Variants in STK32C observed in about 807,000 individuals in gnomAD.
STK32C encodes serine/threonine-protein kinase 32C.
A neutral mutation model predicts 56.5 loss-of-function variants in STK32C; 31 were observed. The ratio of observed to expected loss-of-function variants is 0.55; its 90% CI spans 0.41 to 0.74. The LOEUF (loss-of-function observed/expected upper bound fraction) is 0.74. STK32C is among the 30% of genes least tolerant of loss of function. STK32C has a pLI of 0.00. For missense variants in STK32C, 544 were observed against 676.9 expected (o/e 0.80, Z 2.18); for synonymous variants, 309 against 289.4 (o/e 1.07, Z -0.69).
At chr10:132,224,196 G>A (rs1232202726) in intron 8 of STK32C, among the ~76,000 whole-genome samples, 5 of 152,282 alleles carry the variant, frequency 3.3e-5, no homozygotes, top group East Asian at 3.9e-4. Flanking sequence ...GGTAGGGCTC[G>A]CCATGAGAGG....
At chr10:132,317,847 G>A (rs192503576) in intron 1 of STK32C, among the ~76,000 whole-genome samples, 1 of 151,846 alleles carries the variant, frequency 6.6e-6, no homozygotes, top group East Asian at 1.9e-4. Context: ...GCATGGTGGT[G>A]TGTGCCTGTA....
In STK32C at chr10:132,307,552, G is replaced by A. The variant is rs1218795803; in HGVS notation, c.262+20C>T. On this transcript the variant is annotated intron_variant, in intron 1 of 11. Coordinates refer to ENST00000298630, the MANE Select transcript of STK32C (RefSeq NM_173575.4). The surrounding 1 kb of genome is among the most constrained non-coding windows in gnomAD (Gnocchi z 4.4). ...TGCAATAGCGCGCGGCCCCCACGTC[G>A]TCCCCGTGCCCGCACTCACCGTCCT... 2 of 1,539,598 alleles carry A rather than the reference G, an allele frequency of 1.3e-6. No individual in the cohort carries two copies.
intron 1 of STK32C, among the ~76,000 whole-genome samples, chr10:132,262,155 C>A (rs1351384584): frequency 6.6e-6 from 1 of 152,142 alleles, no homozygotes; most frequent in Non-Finnish European, 1.5e-5. Context: ...CTACAACCAT[C>A]TGATCTTCGA....
chr10:132,208,029 G>A lies in STK32C; in HGVS notation c.1442C>T (p.Pro481Leu), dbSNP rs980491396. ...SALPMCGPIC[P>L]SAGSG ...CCCGGCCTAGCCGCTCCCGGCCGAGGGGCAAATGGGGCCGCACATGGGCAG... is the reference window on the plus strand; with the variant it reads ...CCCGGCCTAGCCGCTCCCGGCCGAGAGGCAAATGGGGCCGCACATGGGCAG... Residue 481 changes from proline (P) to leucine (L), a missense_variant, in exon 12 of 12, where the codon CCC becomes CTC. Physicochemically the swap from Pro to Leu is moderately conservative, Grantham distance 98. This residue lies in a region of STK32C where 277 missense variants were observed against 309.3 expected (regional missense o/e 0.90). Coordinates refer to ENST00000298630, the MANE Select transcript of STK32C (RefSeq NM_173575.4). The A allele has an allele frequency of 1.5e-6, 2 of 1,310,340 alleles. No homozygotes were observed. Among genetic ancestry groups the A allele is most frequent in the Non-Finnish European group, 2.0e-6 (2 of 1,022,196 alleles). 81.2% of individuals were successfully genotyped at this position (1,310,340 alleles called of 1,614,324 possible).
intron 1 of STK32C, among the ~76,000 whole-genome samples, chr10:132,253,203 A>G (rs2063968873): frequency 6.6e-6 from 1 of 152,250 alleles, no homozygotes; most frequent in Non-Finnish European, 1.5e-5. Context: ...TCCGGAAAGC[A>G]GCACTCCAAC....
intron 1 of STK32C, among the ~76,000 whole-genome samples, chr10:132,298,534 T>G (rs980107937): frequency 6.7e-6 from 1 of 149,212 alleles, no homozygotes; most frequent in Non-Finnish European, 1.5e-5. Flanking sequence ...TAACAGGACA[T>G]GCTGGGAGGA....
At chr10:132,286,888 C>T (rs2065420247) in intron 1 of STK32C, among the ~76,000 whole-genome samples, 1 of 152,100 alleles carries the variant, frequency 6.6e-6, no homozygotes, top group Non-Finnish European at 1.5e-5. Context: ...GCTGGAGATC[C>T]CAGAGAGTGC....
At chr10:132,257,150 A>AG (rs1377051706) in intron 1 of STK32C, among the ~76,000 whole-genome samples, 2 of 152,212 alleles carry the variant, frequency 1.3e-5, no homozygotes, top group East Asian at 3.9e-4. Context: ...CTGGGTCCTC[A>AG]GGGGGGTGAG....
At chr10:132,246,847 C>T (rs1205076671) in intron 1 of STK32C, among the ~76,000 whole-genome samples, 2 of 152,184 alleles carry the variant, frequency 1.3e-5, no homozygotes, top group Non-Finnish European at 2.9e-5. Flanking sequence ...GCTGCCTCCA[C>T]TTGTGTCCCC....
chr10:132,230,328 C>A (rs997288183), intron 2 of STK32C, among the ~76,000 whole-genome samples: 1 of 152,244 alleles, frequency 6.6e-6, no homozygotes, highest in South Asian at 2.1e-4. Flanking sequence ...GGCAGAGTCG[C>A]GTGGCTCGGC....
intron 3 of STK32C, 140 bp downstream of exon 3, chr10:132,227,837 G>C (rs2062947371): frequency 9.2e-7 from 1 of 1,086,220 alleles, no homozygotes; most frequent in Non-Finnish European, 1.3e-6. Flanking sequence ...TAGATGAGGA[G>C]GGCTAGAGAG....
At chr10:132,315,116 A>G (rs150380713) in intron 1 of STK32C, among the ~76,000 whole-genome samples, 260 of 152,346 alleles carry the variant, frequency 1.7e-3, no homozygotes, top group Non-Finnish European at 3.2e-3. Flanking sequence ...CCTGGGCAAC[A>G]AGAGCGAAAT....
At chr10:132,235,820 G>A (rs186051860) in intron 2 of STK32C, among the ~76,000 whole-genome samples, 13 of 152,308 alleles carry the variant, frequency 8.5e-5, no homozygotes, top group East Asian at 7.7e-4. Context: ...CAAGCCTGGC[G>A]CAGTGTGATG....
intron 1 of STK32C, among the ~76,000 whole-genome samples, chr10:132,258,090 G>A (rs1470736034): frequency 6.6e-6 from 1 of 152,218 alleles, no homozygotes; most frequent in Non-Finnish European, 1.5e-5. Flanking sequence ...AATGCCGGCT[G>A]AGTGGCCCCC....
chr10:132,208,330 G>A (rs1261544645), intron 11 of STK32C, among the ~76,000 whole-genome samples, 179 bp from the exon 12 acceptor site: 1 of 152,256 alleles, frequency 6.6e-6, no homozygotes, highest in African/African-American at 2.4e-5. Context: ...GCCTGGGGAC[G>A]GGTGGGGGCA....
intron 1 of STK32C, among the ~76,000 whole-genome samples, chr10:132,306,202 C>A (rs999852774): frequency 2.6e-5 from 4 of 152,234 alleles, no homozygotes; most frequent in African/African-American, 9.6e-5. Context: ...AGAAGAGCAG[C>A]CAGCTCTTGG....
At chr10:132,221,267 C>G (rs56981806) in intron 10 of STK32C, among the ~76,000 whole-genome samples, 1,689 of 151,300 alleles carry the variant, frequency 0.011, 45 homozygotes, top group African/African-American at 0.038. Context: ...CATCCCCACA[C>G]ACACAACTGA....
At position 132,243,393 on chromosome 10, in the gene STK32C, G is replaced by C. The variant is rs550471490; in HGVS notation, c.318+2507C>G. Among the ~76,000 whole-genome samples the C allele has an allele frequency of 1.5e-3, 223 of 152,298 alleles. 2 individuals carry two copies. Among genetic ancestry groups the C allele is most frequent in the African/African-American group, 5.1e-3 (214 of 41,578 alleles). The stretch of plus-strand genomic sequence containing the variant: ...TGAGCAGCCTGGGGGCGAGGCGGGG[G>C]TGGAGAGTGGGCTGGACGGAAGTCT... On this transcript the variant is annotated intron_variant, in intron 2 of 11. Coordinates refer to ENST00000298630, the MANE Select transcript of STK32C (RefSeq NM_173575.4).
chr10:132,240,115 G>A (rs1489718897), intron 2 of STK32C, among the ~76,000 whole-genome samples: 1 of 152,070 alleles, frequency 6.6e-6, no homozygotes, highest in Non-Finnish European at 1.5e-5. Flanking sequence ...CCAGGGCAGA[G>A]CCTGGGCTAC....
Sources: allele counts gnomAD v4.1 joint callset (sites outside exome capture counted in the v4.1 genomes callset), GRCh38; gene constraint gnomAD v4.1.1; regional missense constraint gnomAD v4.1.1; non-coding constraint Gnocchi (gnomAD v3.1); transcripts MANE v1.5; gene names NCBI Gene and HGNC (gene_info 2026-07-23, HGNC 2026-07-21).